The following BICD1 variants were observed in gnomAD, a reference collection of about 807,000 sequenced individuals.
BICD1 encodes the protein BICD cargo adaptor 1.
BICD1 carries 35 observed loss-of-function variants against 92.5 expected under a neutral mutation model. The observed-to-expected ratio is 0.38, with a 90% CI of 0.29 to 0.50. The LOEUF (loss-of-function observed/expected upper bound fraction) is 0.50, where lower values mean the gene tolerates loss of function less well. BICD1 is among the 20% of genes least tolerant of loss of function. The pLI, the probability that BICD1 is intolerant of heterozygous loss-of-function variation, is 0.93. For missense variants in BICD1, 950 were observed against 1,189.8 expected, an observed-to-expected ratio of 0.80 and a Z score of 2.97; for synonymous variants, 429 against 465.1, an observed-to-expected ratio of 0.92 and a Z score of 1.00.
chr12:32,304,167 T>C (rs1327510693), intron 3 of BICD1, among the ~76,000 whole-genome samples: 2 of 152,112 alleles, frequency 1.3e-5, no homozygotes, highest in Non-Finnish European at 2.9e-5. Flanking sequence ...ACTAAATCTC[T>C]ACCCTAACCT....
At chr12:32,267,443 T>C (rs150578451) in intron 2 of BICD1, among the ~76,000 whole-genome samples, 232 of 152,338 alleles carry the variant, frequency 1.5e-3, no homozygotes, top group African/African-American at 5.2e-3. Flanking sequence ...AAGTACTCAG[T>C]AAATAGTTGC....
intron 1 of BICD1, among the ~76,000 whole-genome samples, chr12:32,110,353 A>G (rs78617098): frequency 6.6e-6 from 1 of 152,318 alleles, no homozygotes; most frequent in East Asian, 1.9e-4. Flanking sequence ...AGTGCTCTGC[A>G]TGGACTACTG....
intron 9 of BICD1, among the ~76,000 whole-genome samples, chr12:32,369,679 C>A (rs1413378665): frequency 6.6e-6 from 1 of 152,108 alleles, no homozygotes; most frequent in African/African-American, 2.4e-5. Context: ...ATGGCTTGAA[C>A]CCAGAACTTC....
chr12:32,376,107 C>A (rs377333337), intron 9 of BICD1, among the ~76,000 whole-genome samples: 2 of 136,536 alleles, frequency 1.5e-5, no homozygotes, highest in African/African-American at 2.8e-5. Flanking sequence ...TTTTTTGAGA[C>A]GGAGTCTCGC....
At chr12:32,152,313 A>G (rs1405315500) in intron 1 of BICD1, among the ~76,000 whole-genome samples, 2 of 150,128 alleles carry the variant, frequency 1.3e-5, no homozygotes, top group Non-Finnish European at 3.0e-5. Flanking sequence ...CCATGGCATG[A>G]TCATAGCTCA....
chr12:32,286,074 C>G (rs1194087093), intron 2 of BICD1, among the ~76,000 whole-genome samples: 2 of 152,182 alleles, frequency 1.3e-5, no homozygotes, highest in Non-Finnish European at 2.9e-5. Context: ...CCAAGCTCTT[C>G]CTTGTCCTTA....
chr12:32,113,506 C>T (rs1266980292), intron 1 of BICD1, among the ~76,000 whole-genome samples: 1 of 151,230 alleles, frequency 6.6e-6, no homozygotes, highest in Non-Finnish European at 1.5e-5. Flanking sequence ...CCATCTCAGC[C>T]TCCCAAGGAG....
chr12:32,136,610 T>C (rs536287460), intron 1 of BICD1, among the ~76,000 whole-genome samples: 19 of 152,320 alleles, frequency 1.2e-4, no homozygotes, highest in African/African-American at 4.1e-4. Flanking sequence ...GGACAGGTCC[T>C]GTCCAGTGTA....
At chr12:32,196,139 A>G (rs1412016315) in intron 1 of BICD1, among the ~76,000 whole-genome samples, 1 of 152,222 alleles carries the variant, frequency 6.6e-6, no homozygotes, top group Non-Finnish European at 1.5e-5. Flanking sequence ...ATGACAAGAG[A>G]TAGTAAGTGT....
intron 2 of BICD1, among the ~76,000 whole-genome samples, chr12:32,251,989 A>AATATATTTATAATAAATATC (rs1555156942): frequency 2.9e-5 from 3 of 104,278 alleles, no homozygotes; most frequent in East Asian, 2.7e-4. Context: ...CTATATATAT[A>AATATATTTATAATAAATATC]ATATATTTAT....
At chr12:32,367,784 G>A (rs910321095) in intron 9 of BICD1, 39 bp downstream of exon 9, 1 of 1,568,954 alleles carries the variant, frequency 6.4e-7, no homozygotes, top group African/African-American at 1.4e-5. Context: ...CCAGCTGCAT[G>A]TCAGATCCAT....
chr12:32,215,185 T>C (rs569618368), intron 1 of BICD1, among the ~76,000 whole-genome samples: 9 of 151,900 alleles, frequency 5.9e-5, no homozygotes, highest in Non-Finnish European at 1.0e-4. Context: ...GCCGAGATCA[T>C]ACCACTGCAT....
At chr12:32,174,244 T>G (rs1223176115) in intron 1 of BICD1, among the ~76,000 whole-genome samples, 1 of 152,226 alleles carries the variant, frequency 6.6e-6, no homozygotes, top group Non-Finnish European at 1.5e-5. Context: ...TTTTAGCGTC[T>G]TTATTTTTTG....
At chr12:32,220,119 A>T (rs540076439) in intron 2 of BICD1, among the ~76,000 whole-genome samples, 92 of 152,196 alleles carry the variant, frequency 6.0e-4, no homozygotes, top group African/African-American at 2.1e-3. Context: ...CTTAAACGTT[A>T]GACCTAAAAC....
At chr12:32,175,086 T>C (rs921922909) in intron 1 of BICD1, among the ~76,000 whole-genome samples, 3 of 152,240 alleles carry the variant, frequency 2.0e-5, no homozygotes, top group African/African-American at 7.2e-5. Flanking sequence ...TAGCATTTAT[T>C]ATTTGCAAGC....
At chr12:32,126,970 T>A (rs1385598276) in intron 1 of BICD1, among the ~76,000 whole-genome samples, 1 of 152,142 alleles carries the variant, frequency 6.6e-6, no homozygotes, top group Non-Finnish European at 1.5e-5. Context: ...ATTTCATGTC[T>A]TTGCTCATTT....
intron 2 of BICD1, among the ~76,000 whole-genome samples, chr12:32,261,583 A>G (rs1248641511): frequency 6.6e-6 from 1 of 152,198 alleles, no homozygotes; most frequent in African/African-American, 2.4e-5. Flanking sequence ...GGAAAACCGT[A>G]TTGTCATATT....
intron 2 of BICD1, among the ~76,000 whole-genome samples, chr12:32,257,653 G>A (rs2632365): frequency 2.0e-5 from 3 of 151,884 alleles, no homozygotes; most frequent in African/African-American, 7.3e-5. Flanking sequence ...CCCTAGAAAG[G>A]CTTGCACTTT....
chr12:32,235,516 T>A (rs1161278983), intron 2 of BICD1, among the ~76,000 whole-genome samples: 1 of 151,546 alleles, frequency 6.6e-6, no homozygotes, highest in Non-Finnish European at 1.5e-5. Flanking sequence ...GCATACTGTG[T>A]CTTACTGTGC....
Sources: gnomAD v4.1 joint callset for allele counts (sites outside exome capture counted in the v4.1 genomes callset) on GRCh38, gnomAD v4.1.1 for gene constraint, MANE v1.5 for transcripts, NCBI Gene and HGNC (gene_info 2026-07-23, HGNC 2026-07-21) for gene names.